The following UBE2E3 variants were observed in gnomAD, a reference collection of about 807,000 sequenced individuals.
UBE2E3 encodes the protein ubiquitin-conjugating enzyme E2 E3.
In UBE2E3, 5 loss-of-function variants were observed where a neutral mutation model predicts 23.6. The observed-to-expected ratio is 0.21, with a 90% CI of 0.11 to 0.44. The LOEUF (loss-of-function observed/expected upper bound fraction) is 0.44, where lower values mean the gene tolerates loss of function less well. UBE2E3 is among the 20% of genes least tolerant of loss of function. UBE2E3 has a pLI of 0.99. For missense variants in UBE2E3, 81 were observed against 249.8 expected, an observed-to-expected ratio of 0.32 and a Z score of 4.55; for synonymous variants, 78 against 87.5, an observed-to-expected ratio of 0.89 and a Z score of 0.60.
intron 3 of UBE2E3, 149 bp from the exon 4 acceptor site, chr2:181,057,544 G>A (rs1687022701): frequency 1.7e-6 from 1 of 596,758 alleles, no homozygotes; most frequent in South Asian, 3.0e-5. Flanking sequence ...ACATGCACAT[G>A]CAAACACATT....
At chr2:181,005,522 A>G (rs1041147950) in intron 3 of UBE2E3, among the ~76,000 whole-genome samples, 2 of 151,964 alleles carry the variant, frequency 1.3e-5, no homozygotes, top group African/African-American at 2.4e-5. Context: ...GATGCTGAGT[A>G]GCAAAATTAG....
chr2:181,029,258 T>C (rs530633021), intron 3 of UBE2E3, among the ~76,000 whole-genome samples: 1 of 152,244 alleles, frequency 6.6e-6, no homozygotes, highest in Admixed American at 6.5e-5. Context: ...AGGACAAGTA[T>C]CTGTATTTTC....
chr2:181,053,019 G>A (rs1208684815), intron 3 of UBE2E3, among the ~76,000 whole-genome samples: 2 of 151,650 alleles, frequency 1.3e-5, no homozygotes, highest in African/African-American at 4.8e-5. Flanking sequence ...TTTCTTAGTC[G>A]TTTCACCACC....
intron 3 of UBE2E3, among the ~76,000 whole-genome samples, chr2:181,018,103 T>TA (rs1685552653): frequency 6.6e-6 from 1 of 152,142 alleles, no homozygotes; most frequent in Non-Finnish European, 1.5e-5. Context: ...TGGCTTCACT[T>TA]ATGCCTGTGG....
intron 3 of UBE2E3, among the ~76,000 whole-genome samples, chr2:181,012,834 A>C (rs1357609739): frequency 6.6e-6 from 1 of 152,178 alleles, no homozygotes; most frequent in East Asian, 1.9e-4. Flanking sequence ...ATGAATTTAG[A>C]GATACTAACA....
chr2:180,991,119 T>C (rs1049263342), intron 3 of UBE2E3, among the ~76,000 whole-genome samples: 1 of 151,686 alleles, frequency 6.6e-6, no homozygotes, highest in Non-Finnish European at 1.5e-5. Flanking sequence ...TACCAAATTA[T>C]TTTGTAACAA....
At chr2:181,029,969 G>A (rs899824999) in intron 3 of UBE2E3, among the ~76,000 whole-genome samples, 1 of 151,638 alleles carries the variant, frequency 6.6e-6, no homozygotes, top group Non-Finnish European at 1.5e-5. Flanking sequence ...CCCGAGCTGG[G>A]ACTACAGGCG....
intron 3 of UBE2E3, among the ~76,000 whole-genome samples, chr2:181,031,414 T>G (rs1686073410): frequency 6.6e-6 from 1 of 152,202 alleles, no homozygotes; most frequent in Non-Finnish European, 1.5e-5. Context: ...CTTGAGGCTA[T>G]TTTATTATGT....
At chr2:181,014,119 G>A (rs1685416597) in intron 3 of UBE2E3, among the ~76,000 whole-genome samples, 1 of 152,174 alleles carries the variant, frequency 6.6e-6, no homozygotes, top group Admixed American at 6.6e-5. Flanking sequence ...TGATGCCCAT[G>A]TTTCTGACGT....
At chr2:181,027,305 C>A (rs1574197060) in intron 3 of UBE2E3, among the ~76,000 whole-genome samples, 1 of 151,924 alleles carries the variant, frequency 6.6e-6, no homozygotes, top group Non-Finnish European at 1.5e-5. Flanking sequence ...GTTATAGTTA[C>A]AATATCCTGC....
chr2:181,013,856 G>A (rs1013543455), intron 3 of UBE2E3, among the ~76,000 whole-genome samples: 6 of 152,150 alleles, frequency 3.9e-5, no homozygotes, highest in Non-Finnish European at 8.8e-5. Context: ...TGGAGGAATG[G>A]CCAGGTTCTG....
At chr2:180,996,755 G>A (rs1022106209) in intron 3 of UBE2E3, among the ~76,000 whole-genome samples, 13 of 152,030 alleles carry the variant, frequency 8.6e-5, no homozygotes, top group African/African-American at 3.1e-4. Flanking sequence ...ATTTTATATA[G>A]CATTACTTTG....
At chr2:180,989,760 A>G (rs990057651) in intron 3 of UBE2E3, 3 of 1,079,098 alleles carry the variant, frequency 2.8e-6, no homozygotes, top group Middle Eastern at 2.2e-4. Flanking sequence ...AAAAAAAGTT[A>G]TATGTTTACT....
intron 1 of UBE2E3, 150 bp from the exon 2 acceptor site, chr2:180,981,868 G>T (rs891168225): frequency 4.3e-6 from 2 of 461,722 alleles, no homozygotes; most frequent in Admixed American, 4.2e-5. Context: ...CACCTCCCTT[G>T]TACGTACCCC....
At chr2:180,993,279 T>G (rs1684724150) in intron 3 of UBE2E3, among the ~76,000 whole-genome samples, 1 of 152,220 alleles carries the variant, frequency 6.6e-6, no homozygotes, top group African/African-American at 2.4e-5. Flanking sequence ...AATACTTGTT[T>G]TAACTTTATG....
intron 3 of UBE2E3, among the ~76,000 whole-genome samples, chr2:181,043,342 C>T (rs906709055): frequency 1.3e-5 from 2 of 152,164 alleles, no homozygotes; most frequent in Admixed American, 6.6e-5. Flanking sequence ...ACCAGATTGT[C>T]CACATGAGTG....
chr2:181,011,931 G>T (rs1252823373), intron 3 of UBE2E3, among the ~76,000 whole-genome samples: 2 of 152,126 alleles, frequency 1.3e-5, no homozygotes, highest in Non-Finnish European at 2.9e-5. Flanking sequence ...CTGAGTGAGG[G>T]TTGTTAGGCA....
At chr2:181,017,756 T>A (rs1416185647) in intron 3 of UBE2E3, among the ~76,000 whole-genome samples, 1 of 148,572 alleles carries the variant, frequency 6.7e-6, no homozygotes, top group Non-Finnish European at 1.5e-5. Flanking sequence ...AAGTAATAGT[T>A]AGATCTAGTA....
rs375873832 is a variant in UBE2E3 at position 181,062,892 on chromosome 2, A to G, written c.*4A>G. Reference sequence around the variant, plus strand: ...GACCAAGAGATACGCAACATAATTCACATAATTTGTATGCAGTGTGAAGGA... The same window carrying G: ...GACCAAGAGATACGCAACATAATTCGCATAATTTGTATGCAGTGTGAAGGA... On this transcript the variant is annotated 3_prime_UTR_variant, in exon 6 of 6. Transcript: ENST00000410062. 2.6e-5 allele frequency: 42 copies of G among 1,588,918 alleles called. No individual in the cohort carries two copies. Among genetic ancestry groups the G allele is most frequent in the South Asian group, 3.4e-5 (3 of 88,772 alleles).
Sources: gnomAD v4.1 joint callset for allele counts (sites outside exome capture counted in the v4.1 genomes callset) on GRCh38, gnomAD v4.1.1 for gene constraint, MANE v1.5 for transcripts, NCBI Gene and HGNC (gene_info 2026-07-23, HGNC 2026-07-21) for gene names.